The following ADARB1 variants were observed in gnomAD, a reference collection of about 807,000 sequenced individuals.
The protein encoded by ADARB1 is double-stranded RNA-specific editase 1.
ADARB1 carries 10 observed loss-of-function variants against 52.4 expected under a neutral mutation model. That is an observed-to-expected ratio of 0.19 (90% CI 0.12 to 0.32). The LOEUF (loss-of-function observed/expected upper bound fraction) is 0.32, where lower values mean the gene tolerates loss of function less well. Among genes scored for constraint, ADARB1 ranks in the 10% least tolerant of loss-of-function variants. ADARB1 has a pLI of 1.00. For synonymous variants in ADARB1, 349 were observed against 371.1 expected, an observed-to-expected ratio of 0.94 and a Z score of 0.68; for missense variants, 643 against 922.3, an observed-to-expected ratio of 0.70 and a Z score of 3.92.
chr21:45,170,298 TAATATAA>T (rs2091428405), intron 2 of ADARB1, among the ~76,000 whole-genome samples: 2 of 152,254 alleles, frequency 1.3e-5, no homozygotes, highest in Non-Finnish European at 2.9e-5. Flanking sequence ...CATAATTCCT[TAATATAA>T]TCAGCTGTTC....
chr21:45,083,013 C>T (rs1336359135), intron 1 of ADARB1, among the ~76,000 whole-genome samples: 2 of 152,220 alleles, frequency 1.3e-5, no homozygotes, highest in African/African-American at 4.8e-5. Flanking sequence ...GTTCATGCAC[C>T]ATTGTGTGCT....
intron 5 of ADARB1, chr21:45,181,354 T>G (rs1325313165): frequency 6.6e-6 from 1 of 152,548 alleles, no homozygotes; most frequent in Non-Finnish European, 1.5e-5. Context: ...GACCATTGTT[T>G]CCTTGCCGTG....
At chr21:45,212,404 A>C (rs1239201662) in intron 9 of ADARB1, among the ~76,000 whole-genome samples, 1 of 152,176 alleles carries the variant, frequency 6.6e-6, no homozygotes, top group Non-Finnish European at 1.5e-5. Context: ...TGCTGGAGGT[A>C]GGGCAGGTGT....
At chr21:45,156,043 C>T (rs1471182667) in intron 2 of ADARB1, among the ~76,000 whole-genome samples, 1 of 151,278 alleles carries the variant, frequency 6.6e-6, no homozygotes, top group Non-Finnish European at 1.5e-5. Context: ...ATCCACCCAC[C>T]CAACCACCCA....
rs574081325 is a variant in ADARB1 at position 45,225,312 on chromosome 21, C to T, written c.*3115C>T. The T allele has an allele frequency of 5.8e-4, 698 of 1,202,086 alleles. No homozygotes were observed. Among genetic ancestry groups the T allele is most frequent in the Non-Finnish European group, 6.9e-4 (672 of 969,290 alleles). The allele number at this position is 1,202,086 out of a possible 1,614,324, so 74.5% of individuals were successfully genotyped here. On this transcript the variant is annotated 3_prime_UTR_variant, in exon 11 of 11. Transcript: ENST00000348831. ...AGGCCCACCTCTTCCCAGCAAGGGA[C>T]GCCAAAGAACTGCAGTTTTTATTCT...
intron 1 of ADARB1, among the ~76,000 whole-genome samples, chr21:45,098,006 C>T (rs190712281): frequency 1.3e-5 from 2 of 152,328 alleles, no homozygotes; most frequent in Non-Finnish European, 2.9e-5. Context: ...CCAACACCCA[C>T]CCAGCTGCTG....
chr21:45,133,645 T>C (rs1010079911), intron 2 of ADARB1: 3 of 255,124 alleles, frequency 1.2e-5, no homozygotes, highest in Admixed American at 5.3e-5. Context: ...GAAAAGAATT[T>C]GTCTTACCTG....
chr21:45,149,519 C>T (rs765500684), intron 2 of ADARB1, among the ~76,000 whole-genome samples: 10 of 152,226 alleles, frequency 6.6e-5, no homozygotes, highest in African/African-American at 7.2e-5. Context: ...TCTTTGACAA[C>T]TACATCTTCA....
chr21:45,181,939 G>A (rs1029796747), intron 5 of ADARB1, among the ~76,000 whole-genome samples: 5 of 152,250 alleles, frequency 3.3e-5, no homozygotes, highest in African/African-American at 1.2e-4. Flanking sequence ...GCACACCATT[G>A]GTTCAGCTGC....
At chr21:45,217,962 C>A (rs2092899060) in intron 9 of ADARB1, among the ~76,000 whole-genome samples, 1 of 151,936 alleles carries the variant, frequency 6.6e-6, no homozygotes, top group Admixed American at 6.6e-5. Flanking sequence ...GTTTTTTGCT[C>A]TGGGTTTGCT....
chr21:45,173,015 A>C (rs2146126311), intron 3 of ADARB1, among the ~76,000 whole-genome samples: 1 of 152,262 alleles, frequency 6.6e-6, no homozygotes, highest in East Asian at 1.9e-4. Flanking sequence ...GCAGTAGCCC[A>C]CCAACGGAGC....
At chr21:45,144,892 A>G (rs1174396661) in intron 2 of ADARB1, 1 of 227,540 alleles carries the variant, frequency 4.4e-6, no homozygotes, top group Non-Finnish European at 9.0e-6. Flanking sequence ...TGATGTTAGG[A>G]AGATTTACTG....
intron 1 of ADARB1, among the ~76,000 whole-genome samples, chr21:45,117,675 G>A (rs2087909091): frequency 6.6e-6 from 1 of 152,034 alleles, no homozygotes; most frequent in South Asian, 2.1e-4. Flanking sequence ...TCCTATAGAT[G>A]TACTGCAGTT....
At chr21:45,161,596 G>A (rs959097483) in intron 2 of ADARB1, among the ~76,000 whole-genome samples, 5 of 152,234 alleles carry the variant, frequency 3.3e-5, no homozygotes, top group African/African-American at 7.2e-5. Context: ...GCCGCCCCTC[G>A]GCAGGAACAC....
intron 5 of ADARB1, 62 bp from the exon 6 acceptor site, chr21:45,182,523 G>C: frequency 6.5e-7 from 1 of 1,526,872 alleles, no homozygotes; most frequent in Admixed American, 2.2e-5. Context: ...GACTTCAGGA[G>C]CACAGTTAGG....
intron 2 of ADARB1, among the ~76,000 whole-genome samples, chr21:45,131,748 C>T (rs1242995088): frequency 6.6e-5 from 10 of 152,232 alleles, no homozygotes; most frequent in Admixed American, 6.5e-4. Flanking sequence ...GAGGCAGCTG[C>T]GTCTTTAGGG....
intron 1 of ADARB1, among the ~76,000 whole-genome samples, chr21:45,099,592 T>C (rs2086913468): frequency 6.6e-6 from 1 of 152,058 alleles, no homozygotes; most frequent in South Asian, 2.1e-4. Context: ...ACTTGAACCT[T>C]GGGAGGGGAC....
intron 1 of ADARB1, among the ~76,000 whole-genome samples, chr21:45,098,339 C>A (rs1236511704): frequency 6.6e-6 from 1 of 152,238 alleles, no homozygotes; most frequent in Non-Finnish European, 1.5e-5. Context: ...GACCACTCTC[C>A]CCGTCTCTGT....
intron 1 of ADARB1, chr21:45,101,019 G>T (rs901027122): frequency 3.3e-5 from 5 of 152,840 alleles, no homozygotes; most frequent in African/African-American, 9.6e-5. Flanking sequence ...AGCAGCAGCA[G>T]CAGCGCCAGT....
Sources: gnomAD v4.1 joint callset for allele counts (sites outside exome capture counted in the v4.1 genomes callset) on GRCh38, gnomAD v4.1.1 for gene constraint, MANE v1.5 for transcripts, NCBI Gene and HGNC (gene_info 2026-07-23, HGNC 2026-07-21) for gene names.